The following ADCY2 variants were observed in gnomAD, a reference collection of about 807,000 sequenced individuals.
The protein encoded by ADCY2 is adenylate cyclase 2.
Under a neutral mutation model 125.2 loss-of-function variants are expected in ADCY2, and 31 were observed. The ratio of observed to expected loss-of-function variants is 0.25; its 90% CI spans 0.19 to 0.33. ADCY2 has a LOEUF of 0.33. Among genes scored for constraint, ADCY2 ranks in the 10% least tolerant of loss-of-function variants. ADCY2 has a pLI of 1.00. For synonymous variants in ADCY2, 512 were observed against 548.4 expected, an observed-to-expected ratio of 0.93 and a Z score of 0.93; for missense variants, 904 against 1,418.2, an observed-to-expected ratio of 0.64 and a Z score of 5.82.
intron 5 of ADCY2, among the ~76,000 whole-genome samples, chr5:7,694,079 C>T (rs577717420): frequency 6.6e-6 from 1 of 152,038 alleles, no homozygotes; most frequent in Non-Finnish European, 1.5e-5. Context: ...TCCCAGGAAC[C>T]CTGATTTTCC....
At chr5:7,800,030 A>G (rs1366227500) in intron 20 of ADCY2, 2 of 152,270 alleles carry the variant, frequency 1.3e-5, no homozygotes, top group Non-Finnish European at 2.9e-5. Flanking sequence ...TGAGCAGTGA[A>G]GCCCATGATC....
intron 2 of ADCY2, among the ~76,000 whole-genome samples, chr5:7,459,911 G>A (rs948369565): frequency 2.6e-4 from 39 of 148,074 alleles, no homozygotes; most frequent in African/African-American, 7.7e-4. Context: ...CTCAGCCTCC[G>A]GAGTAGCTGG....
chr5:7,586,300 T>G (rs745408894), intron 3 of ADCY2, among the ~76,000 whole-genome samples: 2 of 152,136 alleles, frequency 1.3e-5, no homozygotes, highest in African/African-American at 4.8e-5. Context: ...GAGAAAAAAA[T>G]TATACTAAAT....
intron 18 of ADCY2, among the ~76,000 whole-genome samples, chr5:7,779,263 G>A (rs1453348752): frequency 6.6e-6 from 1 of 152,196 alleles, no homozygotes; most frequent in Non-Finnish European, 1.5e-5. Flanking sequence ...AACAGAAAAT[G>A]TCCTGTGGTT....
At chr5:7,609,219 A>T (rs1193817673) in intron 3 of ADCY2, among the ~76,000 whole-genome samples, 1 of 152,190 alleles carries the variant, frequency 6.6e-6, no homozygotes, top group Non-Finnish European at 1.5e-5. Context: ...TCAAGGCATA[A>T]CCCTGATATT....
intron 3 of ADCY2, among the ~76,000 whole-genome samples, chr5:7,575,173 A>T (rs538826515): frequency 5.3e-5 from 8 of 152,220 alleles, no homozygotes; most frequent in South Asian, 2.1e-4. Context: ...ATAAAAAAAA[A>T]TTTTTAAATT....
chr5:7,674,455 G>C (rs578161044), intron 4 of ADCY2, among the ~76,000 whole-genome samples: 1 of 152,310 alleles, frequency 6.6e-6, no homozygotes, highest in South Asian at 2.1e-4. Flanking sequence ...CCCCCTGGAG[G>C]GGAGCAGATC....
chr5:7,577,392 T>C (rs1736282988), intron 3 of ADCY2, among the ~76,000 whole-genome samples: 2 of 152,232 alleles, frequency 1.3e-5, no homozygotes, highest in Non-Finnish European at 2.9e-5. Flanking sequence ...AAAACAATTT[T>C]ACTATCCATC....
intron 22 of ADCY2, among the ~76,000 whole-genome samples, chr5:7,815,188 G>T (rs1023355482): frequency 2.0e-5 from 3 of 152,202 alleles, no homozygotes; most frequent in African/African-American, 7.2e-5. Context: ...CCTAAGTATA[G>T]TTATTCAATA....
intron 4 of ADCY2, among the ~76,000 whole-genome samples, chr5:7,641,248 A>C (rs1213885701): frequency 6.6e-6 from 1 of 152,178 alleles, no homozygotes; most frequent in Non-Finnish European, 1.5e-5. Flanking sequence ...TGTAGATTAC[A>C]TGGCAGCCAG....
At chr5:7,573,833 A>G (rs903281630) in intron 3 of ADCY2, among the ~76,000 whole-genome samples, 4 of 147,568 alleles carry the variant, frequency 2.7e-5, no homozygotes, top group Non-Finnish European at 4.5e-5. Context: ...ATATGTATAC[A>G]TGTGCCATGC....
intron 2 of ADCY2, among the ~76,000 whole-genome samples, chr5:7,506,169 A>G (rs563182627): frequency 3.3e-4 from 51 of 152,348 alleles, no homozygotes; most frequent in African/African-American, 6.3e-4. Context: ...GGCATAGTCT[A>G]TTAGCCATAG....
At chr5:7,482,382 C>T (rs1742763405) in intron 2 of ADCY2, among the ~76,000 whole-genome samples, 1 of 152,086 alleles carries the variant, frequency 6.6e-6, no homozygotes, top group South Asian at 2.1e-4. Flanking sequence ...TCTCATTCTT[C>T]AGGTTGTTTC....
chr5:7,417,386 C>T (rs550651220), intron 2 of ADCY2, among the ~76,000 whole-genome samples: 23 of 152,106 alleles, frequency 1.5e-4, no homozygotes, highest in African/African-American at 7.2e-5. Flanking sequence ...CTGAGACTCT[C>T]AATTTATTTG....
At chr5:7,473,007 G>T (rs1191818638) in intron 2 of ADCY2, among the ~76,000 whole-genome samples, 1 of 151,614 alleles carries the variant, frequency 6.6e-6, no homozygotes, top group African/African-American at 2.4e-5. Flanking sequence ...ATTCTTTGTT[G>T]TACTGGCCCT....
chr5:7,414,061 C>T (rs1386494788), intron 1 of ADCY2, among the ~76,000 whole-genome samples: 2 of 152,162 alleles, frequency 1.3e-5, no homozygotes, highest in East Asian at 1.9e-4. Flanking sequence ...CTTTCTGACC[C>T]TTTTCTATTA....
At chr5:7,794,731 C>T (rs1338197134) in intron 20 of ADCY2, 4 of 152,182 alleles carry the variant, frequency 2.6e-5, no homozygotes, top group Admixed American at 6.5e-5. Context: ...CTAAAGTAGC[C>T]TCCTCACTGG....
intron 3 of ADCY2, among the ~76,000 whole-genome samples, chr5:7,553,480 C>T (rs1735404445): frequency 6.6e-6 from 1 of 152,016 alleles, no homozygotes; most frequent in Non-Finnish European, 1.5e-5. Flanking sequence ...TTCAGGCTTC[C>T]CAGAAAGGAA....
In ADCY2 at chr5:7,766,695, G is replaced by A; in HGVS notation, c.2103G>A (p.Leu701=). 1 of 1,609,082 alleles carries A rather than the reference G, an allele frequency of 6.2e-7. No homozygotes were observed. The highest frequency in any genetic ancestry group is 8.5e-7 in the Non-Finnish European group (1 of 1,178,674). ...LMMAVFNMFF[L]SDSEETIPPT... Reference sequence around the variant, plus strand: ...AAACCTTCTCTTTGCAGTTTTTCCTGAGTGACTCAGAGGAAACAATCCCTC... The same window carrying A: ...AAACCTTCTCTTTGCAGTTTTTCCTAAGTGACTCAGAGGAAACAATCCCTC... Residue 701 remains leucine (L), a synonymous_variant, in exon 17 of 25, where the codon CTG becomes CTA. Transcript: ENST00000338316.
Sources: allele counts gnomAD v4.1 joint callset (sites outside exome capture counted in the v4.1 genomes callset), GRCh38; gene constraint gnomAD v4.1.1; transcripts MANE v1.5; gene names NCBI Gene and HGNC (gene_info 2026-07-23, HGNC 2026-07-21).